The following GRIK4 variants were observed in gnomAD, a reference collection of about 807,000 sequenced individuals.
GRIK4 encodes the protein glutamate receptor ionotropic, kainate 4.
GRIK4 carries 40 observed loss-of-function variants against 104.9 expected under a neutral mutation model. The ratio of observed to expected loss-of-function variants is 0.38; its 90% confidence interval spans 0.30 to 0.50. The LOEUF is 0.50. GRIK4 is among the 20% of genes least tolerant of loss of function. The pLI, the probability that GRIK4 is intolerant of heterozygous loss-of-function variation, is 0.93. For missense variants in GRIK4, 1,047 were observed against 1,308.1 expected (o/e 0.80, Z 3.08); for synonymous variants, 485 against 524.9 (o/e 0.92, Z 1.04).
At chr11:120,520,077 G>A (rs1031558386) in intron 1 of GRIK4, among the ~76,000 whole-genome samples, 8 of 151,998 alleles carry the variant, frequency 5.3e-5, no homozygotes, top group African/African-American at 1.9e-4. Context: ...GTTTTCAGTA[G>A]AGACAGGGTT....
rs1591673337 is a variant in GRIK4, at chr11:120,524,875, T to G, written c.-159+12988T>G. 6.6e-6 allele frequency among the ~76,000 whole-genome samples: 1 copy of G among 151,830 alleles called. No homozygotes were observed. The highest frequency in any genetic ancestry group is 2.4e-5 in the African/African-American group (1 of 41,300). ...GGTGGCAGAGAGCCCCAGGAAGAGG[T>G]CGCCTTTGTGTGGGGATGACAGAGG... On this transcript the variant is annotated intron_variant, in intron 1 of 20. Transcript: ENST00000527524. This position sits in a 1 kb window ranked among gnomAD's most constrained non-coding sequence, Gnocchi z 4.5.
At chr11:120,630,873 G>C (rs1369736398) in intron 1 of GRIK4, among the ~76,000 whole-genome samples, 1 of 152,162 alleles carries the variant, frequency 6.6e-6, no homozygotes, top group Non-Finnish European at 1.5e-5. Flanking sequence ...TCCCTTGCTG[G>C]ATCTATTTTT....
At chr11:120,644,281 G>A (rs1182906539) in intron 1 of GRIK4, among the ~76,000 whole-genome samples, 2 of 152,222 alleles carry the variant, frequency 1.3e-5, no homozygotes, top group Non-Finnish European at 2.9e-5. Context: ...TAGATTAAAT[G>A]TGTGGATCAG....
intron 3 of GRIK4, among the ~76,000 whole-genome samples, chr11:120,732,498 G>C (rs1277244614): frequency 6.6e-6 from 1 of 152,110 alleles, no homozygotes; most frequent in East Asian, 1.9e-4. Context: ...TTTTTAATGA[G>C]GCACCTACAG....
At chr11:120,624,767 C>A (rs954886542) in intron 1 of GRIK4, among the ~76,000 whole-genome samples, 4 of 152,160 alleles carry the variant, frequency 2.6e-5, no homozygotes, top group African/African-American at 7.2e-5. Context: ...AAACAGCTCC[C>A]ACCTCACCTT....
At chr11:120,514,348 A>C (rs1947698073) in intron 1 of GRIK4, among the ~76,000 whole-genome samples, 1 of 152,174 alleles carries the variant, frequency 6.6e-6, no homozygotes, top group Non-Finnish European at 1.5e-5. Flanking sequence ...CCTTACAGAC[A>C]GCCTTATAAG....
chr11:120,947,326 C>T lies in GRIK4; in HGVS notation c.1591-5529C>T, dbSNP rs117818155. On this transcript the variant is annotated intron_variant, in intron 14 of 20. Coordinates refer to ENST00000527524, the MANE Select transcript of GRIK4 (RefSeq NM_014619.5). ...CTGAGACAGGAGAATCATTTGAAGC[C>T]GGGAGGTGGAGGTTGTAGTGAGCCG... is the stretch of plus-strand genomic sequence containing the variant. 2.8e-3 allele frequency among the ~76,000 whole-genome samples: 420 copies of T among 149,978 alleles called. 12 individuals carry two copies. The East Asian group carries it at 0.052, about 19-fold the overall frequency.
At chr11:120,688,990 T>C (rs1003390783) in intron 3 of GRIK4, among the ~76,000 whole-genome samples, 2 of 152,132 alleles carry the variant, frequency 1.3e-5, no homozygotes, top group African/African-American at 4.8e-5. Context: ...CCTTCAGGAC[T>C]TCACAGTCTG....
At chr11:120,897,562 A>G (rs1002941596) in intron 11 of GRIK4, among the ~76,000 whole-genome samples, 1 of 129,212 alleles carries the variant, frequency 7.7e-6, no homozygotes, top group Admixed American at 9.1e-5. Flanking sequence ...AGATCGCACA[A>G]CTAGACTCTA....
chr11:120,962,363 C>A, intron 17 of GRIK4, 93 bp from the exon 18 acceptor site: 1 of 771,512 alleles, frequency 1.3e-6, no homozygotes, highest in South Asian at 1.7e-5. Flanking sequence ...GCAGAAGGGC[C>A]GGCATCTTAA....
At chr11:120,899,805 A>T (rs1036370105) in intron 12 of GRIK4, among the ~76,000 whole-genome samples, 6 of 152,236 alleles carry the variant, frequency 3.9e-5, no homozygotes, top group African/African-American at 1.4e-4. Flanking sequence ...TATTAGCAGG[A>T]GATAGCCAGT....
chr11:120,827,610 G>A (rs1214098975), intron 6 of GRIK4, among the ~76,000 whole-genome samples: 1 of 152,198 alleles, frequency 6.6e-6, no homozygotes, highest in Non-Finnish European at 1.5e-5. Flanking sequence ...ATGACAATTC[G>A]AAAATGCCAA....
chr11:120,663,933 C>T (rs1949861668), intron 3 of GRIK4, among the ~76,000 whole-genome samples: 1 of 152,182 alleles, frequency 6.6e-6, no homozygotes, highest in South Asian at 2.1e-4. Context: ...TCCCCCATTC[C>T]CCCAGCACAT....
intron 1 of GRIK4, among the ~76,000 whole-genome samples, chr11:120,623,797 T>C (rs1565578400): frequency 6.6e-6 from 1 of 152,120 alleles, no homozygotes; most frequent in Non-Finnish European, 1.5e-5. Flanking sequence ...ATCCACTGGC[T>C]CCTCCATGGT....
chr11:120,597,719 A>T (rs1365896624), intron 1 of GRIK4, among the ~76,000 whole-genome samples: 2 of 152,102 alleles, frequency 1.3e-5, no homozygotes, highest in African/African-American at 2.4e-5. Context: ...TGATTTCCTA[A>T]TACAGTGCAG....
At position 120,772,238 on chromosome 11, in the gene GRIK4, CA is replaced by C. The variant is rs553072828; in HGVS notation, c.83-30447del. Among the ~76,000 whole-genome samples, 7 of 151,614 alleles carry C rather than the reference CA, an allele frequency of 4.6e-5. No homozygotes were observed. In the East Asian group the frequency reaches 7.7e-4, roughly 17 times the overall value. ...AAAAAACAAACAAACAAACAAAAAACAAAAAAAACCTTAGAATGAGTAATAT... is the reference window on the plus strand; with the variant it reads ...AAAAAACAAACAAACAAACAAAAAACAAAAAAACCTTAGAATGAGTAATAT... On this transcript the variant is annotated intron_variant, in intron 3 of 20. Coordinates refer to ENST00000527524, the MANE Select transcript of GRIK4 (RefSeq NM_014619.5).
Position 120,956,074 on chromosome 11 carries a change from G to A in GRIK4, c.1701-706G>A, listed in dbSNP as rs921913863. The stretch of plus-strand genomic sequence containing the variant: ...TGGAGGGCCACTGCTCTAGGCTGAG[G>A]GTCTTCAAACCGTGGTTCTAAGGGA... On this transcript the variant is annotated intron_variant, in intron 15 of 20. Coordinates refer to ENST00000527524, the MANE Select transcript of GRIK4 (RefSeq NM_014619.5). The surrounding 1 kb of genome is among the most constrained non-coding windows in gnomAD (Gnocchi z 4.6). Among the ~76,000 whole-genome samples the A allele has an allele frequency of 6.6e-6, 1 of 152,098 alleles. No homozygotes were observed. Among genetic ancestry groups the A allele is most frequent in the Non-Finnish European group, 1.5e-5 (1 of 68,008 alleles).
In GRIK4 at chr11:120,753,676, G is replaced by A. The variant is rs1951601730; in HGVS notation, c.83-49017G>A. ...TCCAGCCCAATCTTAGGTGCTGTGG[G>A]GGAGACAACAGGTAAGAGATGATGC... is the stretch of plus-strand genomic sequence containing the variant. On this transcript the variant is annotated intron_variant, in intron 3 of 20. Transcript: ENST00000527524. 2.0e-5 allele frequency among the ~76,000 whole-genome samples: 3 copies of A among 152,124 alleles called. 1 individual carries two copies. Among genetic ancestry groups the A allele is most frequent in the South Asian group, 4.2e-4 (2 of 4,816 alleles).
intron 1 of GRIK4, among the ~76,000 whole-genome samples, chr11:120,531,822 C>T (rs776345962): frequency 3.9e-5 from 6 of 152,104 alleles, no homozygotes; most frequent in Non-Finnish European, 5.9e-5. Context: ...ATGATCCACC[C>T]GCCTTGGTCT....
Sources: allele counts gnomAD v4.1 joint callset (sites outside exome capture counted in the v4.1 genomes callset), GRCh38; gene constraint gnomAD v4.1.1; non-coding constraint Gnocchi (gnomAD v3.1); transcripts MANE v1.5; gene names NCBI Gene and HGNC (gene_info 2026-07-23, HGNC 2026-07-21).